The following ANKRD45 variants were observed in gnomAD, a reference collection of about 807,000 sequenced individuals.
ANKRD45 encodes the protein ankyrin repeat domain 45, also known as ankyrin repeat domain-containing protein 45.
ANKRD45 carries 21 observed loss-of-function variants against 28.1 expected under a neutral mutation model. The observed-to-expected ratio is 0.75, with a 90% CI of 0.53 to 1.08. The LOEUF (loss-of-function observed/expected upper bound fraction) is 1.08. Ranked by LOEUF, ANKRD45 falls within the 50% of genes least tolerant of loss-of-function variation. The pLI, the probability that ANKRD45 is intolerant of heterozygous loss-of-function variation, is 0.00. For synonymous variants in ANKRD45, 86 were observed against 103.9 expected, an observed-to-expected ratio of 0.83 and a Z score of 1.05; for missense variants, 261 against 308.7, an observed-to-expected ratio of 0.85 and a Z score of 1.16.
At chr1:173,645,614 C>A (rs1235353410) in intron 3 of ANKRD45, among the ~76,000 whole-genome samples, 1 of 152,118 alleles carries the variant, frequency 6.6e-6, no homozygotes, top group Non-Finnish European at 1.5e-5. Context: ...GTAGGGACAC[C>A]AGTATTTAAA....
At chr1:173,620,512 A>C (rs1355361628) in intron 5 of ANKRD45, among the ~76,000 whole-genome samples, 1 of 152,196 alleles carries the variant, frequency 6.6e-6, no homozygotes, top group Non-Finnish European at 1.5e-5. Context: ...AAAGACCTCA[A>C]ATTAACAACC....
chr1:173,619,656 A>G (rs1571691770), intron 5 of ANKRD45, among the ~76,000 whole-genome samples: 1 of 151,974 alleles, frequency 6.6e-6, no homozygotes, highest in Admixed American at 6.6e-5. Context: ...AGTGAAACCC[A>G]GTCTCTACTA....
intron 1 of ANKRD45, among the ~76,000 whole-genome samples, chr1:173,668,957 G>C (rs1670135706): frequency 1.3e-5 from 2 of 152,144 alleles, no homozygotes; most frequent in South Asian, 4.1e-4. Flanking sequence ...GATAGCACCT[G>C]GTCTGCCTTA....
At chr1:173,659,871 T>C (rs1019188317) in intron 1 of ANKRD45, among the ~76,000 whole-genome samples, 4 of 152,164 alleles carry the variant, frequency 2.6e-5, no homozygotes, top group African/African-American at 9.7e-5. Context: ...ATTCATTCAG[T>C]CAGTAACACA....
the ANKRD45 span, among the ~76,000 whole-genome samples, chr1:173,685,734 G>T: frequency 1.8e-4 from 28 of 151,968 alleles, 1 homozygote; most frequent in African/African-American, 6.5e-4. Context: ...AGGGGGTGGG[G>T]GATCAAATAA....
At chr1:173,680,970 G>A in the ANKRD45 span, among the ~76,000 whole-genome samples, 1 of 151,360 alleles carries the variant, frequency 6.6e-6, no homozygotes, top group Admixed American at 6.6e-5. Context: ...GATGGTGGGT[G>A]GGGGGGAGGC....
At chr1:173,614,910 G>A (rs1002386990) in intron 5 of ANKRD45, among the ~76,000 whole-genome samples, 17 of 152,026 alleles carry the variant, frequency 1.1e-4, no homozygotes, top group African/African-American at 1.9e-4. Flanking sequence ...TCCACCTCCC[G>A]GATTCGGGTG....
intron 2 of ANKRD45, among the ~76,000 whole-genome samples, chr1:173,652,150 G>A (rs1473786687): frequency 1.3e-5 from 2 of 152,030 alleles, no homozygotes; most frequent in African/African-American, 4.8e-5. Flanking sequence ...GGAGTGGTGA[G>A]AGAGGGCATC....
chr1:173,618,520 A>G lies in ANKRD45; in HGVS notation c.730+6267T>C, dbSNP rs1667562504. On this transcript the variant is annotated intron_variant, in intron 5 of 5. Coordinates refer to ENST00000333279, the MANE Select transcript of ANKRD45 (RefSeq NM_198493.3). Reference sequence around the variant, plus strand: ...AACACAAGTATCAATAGAAGAACAGACGAAGAGGAGGAAAAAATGTCAGAG... The same window carrying G: ...AACACAAGTATCAATAGAAGAACAGGCGAAGAGGAGGAAAAAATGTCAGAG... Among the ~76,000 whole-genome samples, 3 of 152,348 alleles carry G rather than the reference A, an allele frequency of 2.0e-5. No homozygotes were observed. In the South Asian group the frequency reaches 6.2e-4, roughly 32 times the overall value.
chr1:173,714,149 A>G, the ANKRD45 span, among the ~76,000 whole-genome samples: 1 of 152,218 alleles, frequency 6.6e-6, no homozygotes, highest in Non-Finnish European at 1.5e-5. Context: ...CTTACCAGGA[A>G]ATCAGCAACA....
At chr1:173,703,394 C>T in the ANKRD45 span, among the ~76,000 whole-genome samples, 5 of 151,892 alleles carry the variant, frequency 3.3e-5, no homozygotes, top group Non-Finnish European at 2.9e-5. Flanking sequence ...TTAGAAGAGA[C>T]AGGGTTTCAC....
intron 3 of ANKRD45, chr1:173,635,342 T>G (rs141919204): frequency 1.8e-4 from 102 of 568,266 alleles, no homozygotes; most frequent in African/African-American, 1.6e-3. Flanking sequence ...CTGGGCATAT[T>G]TTGCTGACTG....
the ANKRD45 span, among the ~76,000 whole-genome samples, chr1:173,687,693 G>T: frequency 3.3e-5 from 5 of 152,052 alleles, no homozygotes; most frequent in African/African-American, 1.2e-4. Flanking sequence ...TGTACAGATG[G>T]TTCCTTCCTG....
chr1:173,683,107 C>A, the ANKRD45 span, among the ~76,000 whole-genome samples: 1 of 150,670 alleles, frequency 6.6e-6, no homozygotes, highest in South Asian at 2.1e-4. Context: ...AAGACCAAAA[C>A]AACAAAAACA....
At chr1:173,631,816 C>G (rs1668208460) in intron 3 of ANKRD45, among the ~76,000 whole-genome samples, 1 of 151,288 alleles carries the variant, frequency 6.6e-6, no homozygotes, top group South Asian at 2.1e-4. Flanking sequence ...ACACAATATA[C>G]CAAAAGTATG....
chr1:173,644,523 A>G (rs1453918328), intron 3 of ANKRD45, among the ~76,000 whole-genome samples: 1 of 152,232 alleles, frequency 6.6e-6, no homozygotes, highest in East Asian at 1.9e-4. Context: ...CATATTCGGT[A>G]TAATTGCTCC....
intron 3 of ANKRD45, among the ~76,000 whole-genome samples, chr1:173,643,538 G>A (rs1668795711): frequency 6.6e-6 from 1 of 151,868 alleles, no homozygotes; most frequent in African/African-American, 2.4e-5. Context: ...AAAATAGCAT[G>A]GAAATATTAA....
chr1:173,639,312 A>G (rs755960295), intron 3 of ANKRD45, among the ~76,000 whole-genome samples: 4 of 152,180 alleles, frequency 2.6e-5, no homozygotes, highest in Non-Finnish European at 4.4e-5. Flanking sequence ...CTTTTCTTTC[A>G]CAAGTCAGGG....
the ANKRD45 span, among the ~76,000 whole-genome samples, chr1:173,676,148 G>C: frequency 6.6e-6 from 1 of 152,162 alleles, no homozygotes; most frequent in Non-Finnish European, 1.5e-5. Flanking sequence ...TTCCTTAAAT[G>C]AAAGCACACC....
Sources: allele counts gnomAD v4.1 joint callset (sites outside exome capture counted in the v4.1 genomes callset), GRCh38; gene constraint gnomAD v4.1.1; transcripts MANE v1.5; gene names NCBI Gene and HGNC (gene_info 2026-07-23, HGNC 2026-07-21).